The following MBNL2 variants were observed in gnomAD, a reference collection of about 807,000 sequenced individuals.
The protein encoded by MBNL2 is muscleblind-like protein 2.
A neutral mutation model predicts 41.9 loss-of-function variants in MBNL2; 17 were observed. The observed-to-expected ratio is 0.41, with a 90% CI of 0.28 to 0.61. MBNL2 has a LOEUF of 0.61. Ranked by LOEUF, MBNL2 falls within the 20% of genes least tolerant of loss-of-function variation. The probability of loss-of-function intolerance (pLI) is 0.35; values close to 1 mark genes in which losing one functional copy is unlikely to be tolerated. For synonymous variants in MBNL2, 195 were observed against 182.9 expected (o/e 1.07, Z -0.53); for missense variants, 336 against 505.6 (o/e 0.66, Z 3.22).
intron 1 of MBNL2, among the ~76,000 whole-genome samples, chr13:97,250,079 C>G (rs1320741682): frequency 6.6e-6 from 1 of 152,226 alleles, no homozygotes; most frequent in Non-Finnish European, 1.5e-5. Flanking sequence ...TAAGCTACAG[C>G]TTTTAATTAT....
the MBNL2 span, among the ~76,000 whole-genome samples, chr13:97,168,259 C>A: frequency 5.3e-5 from 8 of 152,120 alleles, no homozygotes; most frequent in African/African-American, 1.9e-4. Context: ...CCACCATGCC[C>A]GGCCTTGCGT....
chr13:97,391,557 G>C lies in MBNL2; in HGVS notation c.*108G>C. On this transcript the variant is annotated 3_prime_UTR_variant, in exon 9 of 9. Transcript: ENST00000679496. ...GCTTAGTATATTCCAACCTAAGATA[G>C]TTAACTACCTGAGACCAGCTGTGAT... 1.4e-6 allele frequency: 1 copy of C among 689,674 alleles called. No homozygotes were observed. The highest frequency in any genetic ancestry group is 2.6e-6 in the Non-Finnish European group (1 of 389,150). The allele number at this position is 689,674 out of a possible 1,614,324, so 42.7% of individuals were successfully genotyped here. A position where few individuals can be genotyped will look rare whatever the true frequency, so the allele number is the denominator to read the frequency against.
the MBNL2 span, among the ~76,000 whole-genome samples, chr13:97,144,455 G>GTT: frequency 8.3e-6 from 1 of 120,582 alleles, no homozygotes; most frequent in Admixed American, 8.4e-5. Flanking sequence ...TTGAGACAGA[G>GTT]TTTCGTGCTT....
chr13:97,197,013 A>C, the MBNL2 span, among the ~76,000 whole-genome samples: 1 of 152,210 alleles, frequency 6.6e-6, no homozygotes, highest in Non-Finnish European at 1.5e-5. Flanking sequence ...GAATGCCAGG[A>C]AATTGCTTTC....
intron 2 of MBNL2, among the ~76,000 whole-genome samples, chr13:97,322,601 T>G (rs1340816976): frequency 1.3e-5 from 2 of 152,198 alleles, no homozygotes; most frequent in African/African-American, 4.8e-5. Context: ...CAAAACCGCC[T>G]AAGAGGAATG....
At chr13:97,211,439 T>G in the MBNL2 span, among the ~76,000 whole-genome samples, 1 of 152,148 alleles carries the variant, frequency 6.6e-6, no homozygotes, top group Non-Finnish European at 1.5e-5. Flanking sequence ...CTCATTTTGT[T>G]TTGCTGTGGA....
chr13:97,203,655 CCTGACT>C, the MBNL2 span, among the ~76,000 whole-genome samples: 1 of 152,164 alleles, frequency 6.6e-6, no homozygotes, highest in Admixed American at 6.6e-5. Context: ...TCAAGCACCG[CCTGACT>C]CTTCATTCTT....
the MBNL2 span, among the ~76,000 whole-genome samples, chr13:97,202,346 G>A: frequency 9.2e-3 from 1,395 of 152,264 alleles, 32 homozygotes; most frequent in Admixed American, 0.051. Context: ...GAGCATTAAG[G>A]TGATGAGTTT....
At position 97,276,388 on chromosome 13, in the gene MBNL2, T is replaced by C; in HGVS notation, c.153T>C (p.Ile51=). The C allele has an allele frequency of 6.2e-7, 1 of 1,614,118 alleles. No individual in the cohort carries two copies. The highest frequency in any genetic ancestry group is 8.5e-7 in the Non-Finnish European group (1 of 1,179,958). Residue 51 remains isoleucine (I), a synonymous_variant, in exon 2 of 9, where the codon ATT becomes ATC. Transcript: ENST00000679496. ...GTCAGGTTGAAAATGGAAGAGTAAT[T>C]GCCTGCTTTGATTCCCTAAAGGTAA... ...KSCQVENGRV[I]ACFDSLKGRC...
intron 2 of MBNL2, among the ~76,000 whole-genome samples, chr13:97,305,351 G>GGTACA (rs1361724275): frequency 6.6e-6 from 1 of 152,088 alleles, no homozygotes; most frequent in African/African-American, 2.4e-5. Context: ...AAATCTAAGA[G>GGTACA]GTACACATGT....
At chr13:97,350,266 A>T (rs1328114140) in intron 5 of MBNL2, among the ~76,000 whole-genome samples, 1 of 152,248 alleles carries the variant, frequency 6.6e-6, no homozygotes, top group Non-Finnish European at 1.5e-5. Flanking sequence ...TGCTTAAAAG[A>T]TGCTAACCAA....
chr13:97,147,653 T>C, the MBNL2 span, among the ~76,000 whole-genome samples: 1 of 152,136 alleles, frequency 6.6e-6, no homozygotes, highest in African/African-American at 2.4e-5. Flanking sequence ...GTCCTTAAAA[T>C]CTAGGGAGGA....
At chr13:97,345,628 AATAGT>A (rs2061772133) in intron 4 of MBNL2, among the ~76,000 whole-genome samples, 1 of 152,046 alleles carries the variant, frequency 6.6e-6, no homozygotes, top group Non-Finnish European at 1.5e-5. Flanking sequence ...TGCTGTCAAA[AATAGT>A]ATAGTGACCT....
intron 2 of MBNL2, among the ~76,000 whole-genome samples, chr13:97,309,976 CA>C (rs1336553343): frequency 1.3e-5 from 2 of 152,160 alleles, no homozygotes; most frequent in Non-Finnish European, 2.9e-5. Flanking sequence ...GCAGGCTATG[CA>C]AAAGGCGGAA....
chr13:97,287,879 G>A (rs1179063560), intron 2 of MBNL2, among the ~76,000 whole-genome samples: 2 of 139,958 alleles, frequency 1.4e-5, no homozygotes, highest in East Asian at 4.1e-4. Context: ...TGAGTAGCTG[G>A]GATTACAGGT....
At chr13:97,189,731 T>C in the MBNL2 span, among the ~76,000 whole-genome samples, 3 of 152,224 alleles carry the variant, frequency 2.0e-5, no homozygotes, top group African/African-American at 7.2e-5. Flanking sequence ...GTTTTGGTCT[T>C]CTTGGCTCAT....
At chr13:97,257,008 A>G (rs2047668151) in intron 1 of MBNL2, among the ~76,000 whole-genome samples, 1 of 152,252 alleles carries the variant, frequency 6.6e-6, no homozygotes, top group African/African-American at 2.4e-5. Flanking sequence ...CTGTATTGGC[A>G]AAATAATACT....
chr13:97,351,064 G>A (rs1170640058), intron 5 of MBNL2, among the ~76,000 whole-genome samples: 3 of 152,146 alleles, frequency 2.0e-5, no homozygotes, highest in South Asian at 4.1e-4. Context: ...CTTGATCCAT[G>A]GGCTGCAGAA....
the MBNL2 span, among the ~76,000 whole-genome samples, chr13:97,197,837 T>C: frequency 4.6e-5 from 7 of 152,314 alleles, no homozygotes; most frequent in South Asian, 1.4e-3. Flanking sequence ...TTATTCTTTG[T>C]TTTGTGGTTG....
Sources: allele counts gnomAD v4.1 joint callset (sites outside exome capture counted in the v4.1 genomes callset), GRCh38; gene constraint gnomAD v4.1.1; transcripts MANE v1.5; gene names NCBI Gene and HGNC (gene_info 2026-07-23, HGNC 2026-07-21).